ATXN10: variants seen among roughly 807,000 people sequenced by gnomAD.
ATXN10 encodes ataxin-10.
ATXN10 carries 28 observed loss-of-function variants against 52.9 expected under a neutral mutation model. The observed-to-expected ratio is 0.53, with a 90% confidence interval of 0.39 to 0.73. ATXN10 has a LOEUF of 0.73. Ranked by LOEUF, ATXN10 falls within the 30% of genes least tolerant of loss-of-function variation. The pLI, the probability that ATXN10 is intolerant of heterozygous loss-of-function variation, is 0.00. For synonymous variants in ATXN10, 226 were observed against 221.5 expected (o/e 1.02, Z -0.18); for missense variants, 565 against 577.0 (o/e 0.98, Z 0.21).
chr22:45,792,859 C>A (rs1927564272), intron 9 of ATXN10: 1 of 512,702 alleles, frequency 2.0e-6, no homozygotes. Flanking sequence ...AAACCTTCGA[C>A]ATTTTTACTG....
Position 45,806,840 on chromosome 22 carries a change from TA to T in ATXN10, c.1174-117del, listed in dbSNP as rs1569072747. On this transcript the variant is annotated intron_variant, in intron 9 of 11. Transcript: ENST00000252934. ...TCTGGGTTGATATAGATATTTCAGA[TA>T]ATAGTGCAAACAATATTATAACATT... The T allele has an allele frequency of 1.0e-5, 8 of 779,420 alleles. No homozygotes were observed. The East Asian group carries it at 1.0e-4, about 10-fold the overall frequency. 48.3% of individuals were successfully genotyped at this position (779,420 alleles called of 1,614,324 possible). A position where few individuals can be genotyped will look rare whatever the true frequency, so the allele number is the denominator to read the frequency against.
intron 10 of ATXN10, among the ~76,000 whole-genome samples, chr22:45,811,130 A>T (rs1448858906): frequency 6.6e-6 from 1 of 152,070 alleles, no homozygotes; most frequent in Non-Finnish European, 1.5e-5. Flanking sequence ...TTGATTATGG[A>T]TTCATCTAAT....
At position 45,832,649 on chromosome 22, in the gene ATXN10, T is replaced by C. The variant is rs149810319; in HGVS notation, c.1238-10342T>C. On this transcript the variant is annotated intron_variant, in intron 10 of 11. Transcript: ENST00000252934. Reference sequence around the variant, plus strand: ...TTTGCCTTCGTATTTATTAAATGAATGAATAGATCATGATTAAATTTTTGA... The same window carrying C: ...TTTGCCTTCGTATTTATTAAATGAACGAATAGATCATGATTAAATTTTTGA... Among the ~76,000 whole-genome samples the C allele has an allele frequency of 2.0e-5, 3 of 152,374 alleles. No individual in the cohort carries two copies. In the East Asian group the frequency reaches 5.8e-4, roughly 29 times the overall value.
rs375213899 is a variant in ATXN10, at chr22:45,829,626, T to G, written c.1238-13365T>G. Among the ~76,000 whole-genome samples, 11 of 152,284 alleles carry G rather than the reference T, an allele frequency of 7.2e-5. No individual in the cohort carries two copies. The South Asian group carries it at 1.9e-3, about 26-fold the overall frequency. ...GAAATTACAAAAGCAATTCCTTTTA[T>G]AATAGCATCAAAAATAATAAAATAC... On this transcript the variant is annotated intron_variant, in intron 10 of 11. Transcript: ENST00000252934.
chr22:45,725,047 G>A (rs1924813527), intron 6 of ATXN10, among the ~76,000 whole-genome samples: 1 of 152,008 alleles, frequency 6.6e-6, no homozygotes, highest in Non-Finnish European at 1.5e-5. Context: ...ATCCTGTTTT[G>A]GTTACTATAG....
At chr22:45,822,574 A>T (rs1928686888) in intron 10 of ATXN10, among the ~76,000 whole-genome samples, 1 of 125,266 alleles carries the variant, frequency 8.0e-6, no homozygotes. Context: ...TCTGTCACCC[A>T]GGCTGGAGTG....
rs114259715 is a variant in ATXN10, at chr22:45,691,267, C to T, written c.308+1364C>T. 4.7e-3 allele frequency among the ~76,000 whole-genome samples: 714 copies of T among 152,194 alleles called. 9 individuals carry two copies. Among genetic ancestry groups the T allele is most frequent in the African/African-American group, 0.016 (682 of 41,528 alleles). ...GTGTGATGGGGAAGGAAAGGAGAGCCGTAGAACTAACTTTTGACTGTGGCT... is the reference window on the plus strand; with the variant it reads ...GTGTGATGGGGAAGGAAAGGAGAGCTGTAGAACTAACTTTTGACTGTGGCT... On this transcript the variant is annotated intron_variant, in intron 2 of 11. Coordinates refer to ENST00000252934, the MANE Select transcript of ATXN10 (RefSeq NM_013236.4).
In ATXN10 at chr22:45,786,556, G is replaced by A. The variant is rs999696637; in HGVS notation, c.1174-20403G>A. Among the ~76,000 whole-genome samples, 1 of 152,312 alleles carries A rather than the reference G, an allele frequency of 6.6e-6. No homozygotes were observed. The highest frequency in any genetic ancestry group is 3.4e-3 in the Middle Eastern group (1 of 294). On this transcript the variant is annotated intron_variant, in intron 9 of 11. Coordinates refer to ENST00000252934, the MANE Select transcript of ATXN10 (RefSeq NM_013236.4). This position sits in a 1 kb window ranked among gnomAD's most constrained non-coding sequence, Gnocchi z 4.1. Reference sequence around the variant, plus strand: ...TGCTCCCTGGTCGGAAGGATTGTTGGTTCTTCCTTACTTAGGTCTCGTACC... The same window carrying A: ...TGCTCCCTGGTCGGAAGGATTGTTGATTCTTCCTTACTTAGGTCTCGTACC...
chr22:45,809,396 A>G (rs1222766831), intron 10 of ATXN10, among the ~76,000 whole-genome samples: 1 of 152,168 alleles, frequency 6.6e-6, no homozygotes, highest in African/African-American at 2.4e-5. Flanking sequence ...TCCAAAAGGC[A>G]TTCAATAAGG....
intron 9 of ATXN10, among the ~76,000 whole-genome samples, chr22:45,768,098 T>C (rs1926650194): frequency 6.6e-6 from 1 of 152,210 alleles, no homozygotes; most frequent in Non-Finnish European, 1.5e-5. Flanking sequence ...GGTTAGTATT[T>C]TTCTTTCCAG....
rs1354769627 is a variant in ATXN10 at position 45,786,216 on chromosome 22, C to G, written c.1174-20743C>G. Among the ~76,000 whole-genome samples, 1 of 152,142 alleles carries G rather than the reference C, an allele frequency of 6.6e-6. No individual in the cohort carries two copies. The highest frequency in any genetic ancestry group is 1.5e-5 in the Non-Finnish European group (1 of 68,036). ...ATTAATCACATTGTGTTTTGTACTT[C>G]CGGGTACTTTAAGAGCCTCTGCCAT... On this transcript the variant is annotated intron_variant, in intron 9 of 11. Transcript: ENST00000252934. This position sits in a 1 kb window ranked among gnomAD's most constrained non-coding sequence, Gnocchi z 4.1.
At chr22:45,793,552 A>AT (rs11431850) in intron 9 of ATXN10, 83,870 of 1,271,494 alleles carry the variant, frequency 0.066, 2,918 homozygotes, top group Non-Finnish European at 0.07. Flanking sequence ...AAGCTCTTCA[A>AT]TCTTTCTGTG....
rs190740608 is a variant in ATXN10, at chr22:45,774,906, C to T, written c.1174-32053C>T. Among the ~76,000 whole-genome samples the T allele has an allele frequency of 9.8e-5, 15 of 152,288 alleles. No individual in the cohort carries two copies. The East Asian group carries it at 1.9e-3, about 20-fold the overall frequency. ...AGTGAGCCAAGATCACGCCAGTGCA[C>T]GCCAGCCTGGGTGACAGAGTGAGAC... On this transcript the variant is annotated intron_variant, in intron 9 of 11. Transcript: ENST00000252934. This position sits in a 1 kb window ranked among gnomAD's most constrained non-coding sequence, Gnocchi z 6.2.
rs773938814 is a variant in ATXN10, at chr22:45,842,953, G to T, written c.1238-38G>T. 1.9e-6 allele frequency: 3 copies of T among 1,601,014 alleles called. No individual in the cohort carries two copies. The South Asian group carries it at 3.3e-5, about 18-fold the overall frequency. ...AATTCTTATGTGAAGTTATCAAACAGGAAAGTACGTTGTCACATTCCTTCA... is the reference window on the plus strand; with the variant it reads ...AATTCTTATGTGAAGTTATCAAACATGAAAGTACGTTGTCACATTCCTTCA... On this transcript the variant is annotated intron_variant, in intron 10 of 11. Transcript: ENST00000252934. This position sits in a 1 kb window ranked among gnomAD's most constrained non-coding sequence, Gnocchi z 4.8.
At chr22:45,829,939 G>A (rs1569081320) in intron 10 of ATXN10, among the ~76,000 whole-genome samples, 1 of 152,078 alleles carries the variant, frequency 6.6e-6, no homozygotes, top group African/African-American at 2.4e-5. Flanking sequence ...GAACAGAGCT[G>A]GAAGACTCAC....
In ATXN10 at chr22:45,774,418, C is replaced by T. The variant is rs1471257423; in HGVS notation, c.1174-32541C>T. 1.3e-5 allele frequency among the ~76,000 whole-genome samples: 2 copies of T among 152,200 alleles called. No individual in the cohort carries two copies. The highest frequency in any genetic ancestry group is 6.5e-5 in the Admixed American group (1 of 15,282). On this transcript the variant is annotated intron_variant, in intron 9 of 11. Coordinates refer to ENST00000252934, the MANE Select transcript of ATXN10 (RefSeq NM_013236.4). The surrounding 1 kb of genome is among the most constrained non-coding windows in gnomAD (Gnocchi z 6.2). ...AGTCCTGTGGGAGAGCTCCAGGTCT[C>T]CTGTTCCTTATGTTGGAAATGAAGT...
At chr22:45,694,814 C>T (rs1923527547) in intron 3 of ATXN10, among the ~76,000 whole-genome samples, 3 of 149,618 alleles carry the variant, frequency 2.0e-5, no homozygotes, top group Non-Finnish European at 3.0e-5. Flanking sequence ...TGGTGGCACA[C>T]GCCTGTAGTC....
chr22:45,839,677 C>G (rs1398672333), intron 10 of ATXN10, among the ~76,000 whole-genome samples: 1 of 152,206 alleles, frequency 6.6e-6, no homozygotes, highest in African/African-American at 2.4e-5. Context: ...AAATGTTGCC[C>G]TCCAACCCCA....
rs1233934554 is a variant in ATXN10, at chr22:45,690,445, C to T, written c.308+542C>T. On this transcript the variant is annotated intron_variant, in intron 2 of 11. Coordinates refer to ENST00000252934, the MANE Select transcript of ATXN10 (RefSeq NM_013236.4). This position sits in a 1 kb window ranked among gnomAD's most constrained non-coding sequence, Gnocchi z 4.5. ...GTGTTTAACATTAGGGGTTAGATTT[C>T]TTGTTTGTTTTTATCACATGTTTTG... is the stretch of plus-strand genomic sequence containing the variant. Among the ~76,000 whole-genome samples the T allele has an allele frequency of 6.6e-6, 1 of 152,064 alleles. No homozygotes were observed. The highest frequency in any genetic ancestry group is 1.9e-4 in the East Asian group (1 of 5,192).
Sources: gnomAD v4.1 joint callset for allele counts (sites outside exome capture counted in the v4.1 genomes callset) on GRCh38, gnomAD v4.1.1 for gene constraint, Gnocchi (gnomAD v3.1) non-coding constraint, MANE v1.5 for transcripts, NCBI Gene and HGNC (gene_info 2026-07-23, HGNC 2026-07-21) for gene names.